Variants in DNAH14 observed in about 807,000 individuals in gnomAD.
DNAH14 encodes dynein axonemal heavy chain 14.
A neutral mutation model predicts 520.9 loss-of-function variants in DNAH14; 478 were observed. The ratio of observed to expected loss-of-function variants is 0.92; its 90% CI spans 0.85 to 0.99. DNAH14 has a LOEUF of 0.99. DNAH14 is among the 50% of genes least tolerant of loss of function. The pLI is 0.00. For synonymous variants in DNAH14, 1,581 were observed against 1,757.2 expected, an observed-to-expected ratio of 0.90 and a Z score of 2.51; for missense variants, 4,831 against 5,234.5, an observed-to-expected ratio of 0.92 and a Z score of 2.38.
intron 8 of DNAH14, among the ~76,000 whole-genome samples, chr1:224,993,925 T>G (rs1017692823): frequency 6.6e-6 from 1 of 152,116 alleles, no homozygotes; most frequent in Non-Finnish European, 1.5e-5. Flanking sequence ...CATTTTTAAT[T>G]TCTTCATTGG....
intron 64 of DNAH14, 93 bp from the exon 65 acceptor site, chr1:225,331,344 T>C (rs1287007922): frequency 1.6e-6 from 2 of 1,242,766 alleles, no homozygotes; most frequent in East Asian, 2.7e-5. Flanking sequence ...GAAAATGAAA[T>C]GGTAACACTA....
chr1:225,360,275 C>A (rs968004605), intron 74 of DNAH14, among the ~76,000 whole-genome samples: 1 of 152,184 alleles, frequency 6.6e-6, no homozygotes, highest in South Asian at 2.1e-4. Flanking sequence ...GATTCCATTT[C>A]TTTGCTATTG....
chr1:225,321,186 A>C (rs568968803), intron 61 of DNAH14, among the ~76,000 whole-genome samples: 15 of 152,384 alleles, frequency 9.8e-5, no homozygotes, highest in Non-Finnish European at 1.2e-4. Flanking sequence ...CTTCATTTTA[A>C]AATTAGACTG....
intron 71 of DNAH14, 66 bp downstream of exon 71, chr1:225,346,720 G>T: frequency 1.6e-6 from 2 of 1,280,572 alleles, no homozygotes; most frequent in South Asian, 1.6e-5. Flanking sequence ...TTCCTCTAAG[G>T]TGCTCCAAGT....
intron 11 of DNAH14, among the ~76,000 whole-genome samples, chr1:225,033,204 GT>G (rs2066674014): frequency 6.6e-6 from 1 of 152,096 alleles, no homozygotes; most frequent in African/African-American, 2.4e-5. Flanking sequence ...GGTTTTTATA[GT>G]TTTGGGTTTT....
At chr1:225,033,042 T>A (rs981852431) in intron 11 of DNAH14, among the ~76,000 whole-genome samples, 8 of 152,120 alleles carry the variant, frequency 5.3e-5, no homozygotes, top group African/African-American at 1.7e-4. Flanking sequence ...GTTTACTCTG[T>A]TGATAGTTTC....
intron 41 of DNAH14, among the ~76,000 whole-genome samples, chr1:225,210,648 G>A (rs2088250815): frequency 6.6e-6 from 1 of 152,184 alleles, no homozygotes; most frequent in Non-Finnish European, 1.5e-5. Flanking sequence ...CAGTGCTCGA[G>A]CTCTGCTAAA....
In DNAH14 at chr1:225,100,792, CAG is replaced by C. The variant is rs1246528269; in HGVS notation, c.3777_3778del (p.Asn1260CysfsTer12). 6.2e-5 allele frequency: 95 copies of C among 1,538,830 alleles called. No individual in the cohort carries two copies. The highest frequency in any genetic ancestry group is 7.5e-5 in the Non-Finnish European group (86 of 1,143,036). On this transcript the variant is annotated frameshift_variant, in exon 23 of 86. Coordinates refer to ENST00000682510, the MANE Select transcript of DNAH14 (RefSeq NM_001367479.1). LOFTEE classifies it high-confidence loss of function. Reference protein sequence around the residue: ...KKIMSKIQNKQNALQITTSAG... With the variant: ...KKIMSKIQNKXNALQITTSAG... ...AATAATGTCAAAAATACAAAACAAA[CAG>C]AATGCTTTGCAGATAACCACTTCTG...
At position 225,360,739 on chromosome 1, in the gene DNAH14, T is replaced by C. The variant is rs1259831277; in HGVS notation, c.11835T>C (p.His3945=). 1 of 1,551,696 alleles carries C rather than the reference T, an allele frequency of 6.4e-7. No individual in the cohort carries two copies. The highest frequency in any genetic ancestry group is 8.7e-7 in the Non-Finnish European group (1 of 1,146,982). The change falls in exon 75 of 86, where the codon CAT becomes CAC. Residue 3945 remains histidine (H), a synonymous_variant. Transcript: ENST00000682510. ...RFAQELKGTT[H]HVTIISLGRD... is the part of the protein sequence containing the mutation. Reference sequence around the variant, plus strand: ...CACAAGAGTTAAAAGGAACAACACATCATGTGACCATAATTTCTCTGGGCC... The same window carrying C: ...CACAAGAGTTAAAAGGAACAACACACCATGTGACCATAATTTCTCTGGGCC...
chr1:225,190,388 G>A (rs980968035), intron 37 of DNAH14, among the ~76,000 whole-genome samples: 2 of 151,924 alleles, frequency 1.3e-5, no homozygotes, highest in South Asian at 2.1e-4. Flanking sequence ...GTAGATTTAT[G>A]TCCCAGGTGG....
intron 41 of DNAH14, among the ~76,000 whole-genome samples, chr1:225,223,810 CCTA>C (rs1265623974): frequency 3.9e-5 from 6 of 152,166 alleles, no homozygotes; most frequent in Non-Finnish European, 7.3e-5. Flanking sequence ...GCTGAACAGT[CCTA>C]CTATGTGTCA....
intron 8 of DNAH14, among the ~76,000 whole-genome samples, chr1:224,988,689 A>G (rs2125741212): frequency 6.6e-6 from 1 of 152,330 alleles, no homozygotes; most frequent in South Asian, 2.1e-4. Context: ...TCTGTCAGCC[A>G]GGCTGGAGTG....
intron 1 of DNAH14, among the ~76,000 whole-genome samples, chr1:224,947,716 G>C (rs1297852983): frequency 6.6e-6 from 1 of 151,702 alleles, no homozygotes; most frequent in Non-Finnish European, 1.5e-5. Context: ...TACCTCTTTA[G>C]CTGCATCTCA....
At chr1:224,950,399 G>A (rs1558491789) in intron 1 of DNAH14, among the ~76,000 whole-genome samples, 1 of 152,114 alleles carries the variant, frequency 6.6e-6, no homozygotes, top group Non-Finnish European at 1.5e-5. Flanking sequence ...ATGAAAACTT[G>A]ACTCTGTATA....
chr1:225,204,252 G>A lies in DNAH14; in HGVS notation c.5956G>A (p.Val1986Ile). ...TATTTTTGAGGAGATAGAGAAAGTT[G>A]TTAAAATTCCAGAAAATCACAGTAA... ...DNIFEEIEKV[V>I]KIPENHNFDW... Residue 1986 changes from valine to isoleucine, a missense_variant, in exon 39 of 86, where the codon GTT becomes ATT. Transcript: ENST00000682510. 2.0e-6 allele frequency: 3 copies of A among 1,485,412 alleles called. No individual in the cohort carries two copies. Among genetic ancestry groups the A allele is most frequent in the Non-Finnish European group, 2.7e-6 (3 of 1,124,884 alleles). The allele number at this position is 1,485,412 out of a possible 1,614,324, so 92.0% of individuals were successfully genotyped here.
At position 224,960,125 on chromosome 1, in the gene DNAH14, A is replaced by T. The variant is rs768462148; in HGVS notation, c.218-28A>T. The T allele has an allele frequency of 2.0e-6, 3 of 1,537,736 alleles. No homozygotes were observed. The Admixed American group carries it at 6.3e-5, about 32-fold the overall frequency. On this transcript the variant is annotated intron_variant, in intron 3 of 85. Transcript: ENST00000682510. Reference sequence around the variant, plus strand: ...GTATTATTTACAGCTCACACTAGTTATTCAGTTAATAATGGTTTTATTTTC... The same window carrying T: ...GTATTATTTACAGCTCACACTAGTTTTTCAGTTAATAATGGTTTTATTTTC...
intron 60 of DNAH14, among the ~76,000 whole-genome samples, chr1:225,313,143 G>C (rs563727434): frequency 6.6e-6 from 1 of 152,236 alleles, no homozygotes; most frequent in Non-Finnish European, 1.5e-5. Flanking sequence ...TTCTATTCAG[G>C]TATTTGACTT....
chr1:225,328,856 C>A (rs1444581477), intron 64 of DNAH14, among the ~76,000 whole-genome samples: 1 of 152,086 alleles, frequency 6.6e-6, no homozygotes, highest in African/African-American at 2.4e-5. Flanking sequence ...CAGACAAAAA[C>A]AACATAACAC....
chr1:225,135,040 GTTTA>G (rs1246244492), intron 27 of DNAH14, among the ~76,000 whole-genome samples: 1 of 151,922 alleles, frequency 6.6e-6, no homozygotes, highest in African/African-American at 2.4e-5. Flanking sequence ...TTCTTATTGT[GTTTA>G]TTTGATTCTT....
Sources: gnomAD v4.1 joint callset for allele counts (sites outside exome capture counted in the v4.1 genomes callset) on GRCh38, gnomAD v4.1.1 for gene constraint, MANE v1.5 for transcripts, NCBI Gene and HGNC (gene_info 2026-07-23, HGNC 2026-07-21) for gene names.